Variants in PEX14 observed in about 807,000 individuals in gnomAD.
PEX14 encodes peroxisomal membrane protein PEX14.
In PEX14, 15 loss-of-function variants were observed where a neutral mutation model predicts 49.5. That is an observed-to-expected ratio of 0.30 (90% confidence interval 0.20 to 0.47). The LOEUF (loss-of-function observed/expected upper bound fraction) is 0.47, where lower values mean the gene tolerates loss of function less well. Ranked by LOEUF, PEX14 falls within the 20% of genes least tolerant of loss-of-function variation. The pLI, the probability that PEX14 is intolerant of heterozygous loss-of-function variation, is 1.00. For synonymous variants in PEX14, 210 were observed against 212.7 expected, an observed-to-expected ratio of 0.99 and a Z score of 0.11; for missense variants, 398 against 494.8, an observed-to-expected ratio of 0.80 and a Z score of 1.86.
At chr1:10,627,431 T>G in intron 8 of PEX14, 68 bp downstream of exon 8, 4 of 1,142,038 alleles carry the variant, frequency 3.5e-6, no homozygotes, top group Non-Finnish European at 5.3e-6. Flanking sequence ...CTCTGGGGCA[T>G]GGGAGGGGCA....
chr1:10,510,456 T>C (rs1028568813), intron 2 of PEX14, among the ~76,000 whole-genome samples: 1 of 152,228 alleles, frequency 6.6e-6, no homozygotes, highest in Non-Finnish European at 1.5e-5. Context: ...TTATCTGATT[T>C]GTGTTCCAGC....
chr1:10,581,351 G>T (rs1473250785), intron 3 of PEX14, among the ~76,000 whole-genome samples: 1 of 142,910 alleles, frequency 7.0e-6, no homozygotes, highest in Non-Finnish European at 1.5e-5. Flanking sequence ...CTGTCGCCCA[G>T]GCTGGAGTGC....
intron 3 of PEX14, among the ~76,000 whole-genome samples, chr1:10,593,716 G>A (rs1339776145): frequency 2.6e-5 from 4 of 152,054 alleles, no homozygotes; most frequent in South Asian, 2.1e-4. Flanking sequence ...GAAAGTGGGT[G>A]GGGGAGGCCC....
chr1:10,564,641 A>C (rs1570274320), intron 3 of PEX14, among the ~76,000 whole-genome samples: 1 of 140,756 alleles, frequency 7.1e-6, no homozygotes, highest in African/African-American at 2.7e-5. Flanking sequence ...CCATGTTGCC[A>C]AGGCTGGTCT....
At chr1:10,577,524 C>CTATATA (rs1557854620) in intron 3 of PEX14, among the ~76,000 whole-genome samples, 3 of 44,346 alleles carry the variant, frequency 6.8e-5, no homozygotes, top group African/African-American at 2.5e-4. Flanking sequence ...ATTTTGGACA[C>CTATATA]TATACATATA....
chr1:10,619,305 CT>C (rs1414046867), intron 5 of PEX14, among the ~76,000 whole-genome samples: 5 of 151,294 alleles, frequency 3.3e-5, no homozygotes, highest in Non-Finnish European at 5.9e-5. Flanking sequence ...TCCTCCACCC[CT>C]GATTGGTGAT....
At chr1:10,607,146 CTCT>C (rs1218995051) in intron 4 of PEX14, among the ~76,000 whole-genome samples, 3 of 151,878 alleles carry the variant, frequency 2.0e-5, no homozygotes, top group Non-Finnish European at 4.4e-5. Flanking sequence ...GTATTGTACT[CTCT>C]TGTTTCTATT....
chr1:10,599,279 G>T lies in PEX14; in HGVS notation c.211G>T (p.Gly71Cys). 6.2e-7 allele frequency: 1 copy of T among 1,613,592 alleles called. No homozygotes were observed. The highest frequency in any genetic ancestry group is 8.5e-7 in the Non-Finnish European group (1 of 1,179,512). ...EEIDMAFQQS[G>C]TAADEPSSLG... ...GATTGATATGGCCTTCCAGCAGTCG[G>T]GCACTGCTGCCGATGAGCCTTCGTC... The change falls in exon 4 of 9, where the codon GGC becomes TGC. Residue 71 changes from glycine (G) to cysteine (C), a missense_variant. By Grantham distance (159) the Gly-to-Cys change is radical. Transcript: ENST00000356607.
Position 10,620,662 on chromosome 1 carries a change from C to T in PEX14, c.384+2245C>T, listed in dbSNP as rs28629828. Among the ~76,000 whole-genome samples the T allele has an allele frequency of 3.6e-4, 55 of 152,206 alleles. No homozygotes were observed. In the East Asian group the frequency reaches 0.01, roughly 28 times the overall value. ...AATTAGCTGGGTGTCATGGCGTGCACCTGTAATCCCAGCTACTTGGGAGGC... is the reference window on the plus strand; with the variant it reads ...AATTAGCTGGGTGTCATGGCGTGCATCTGTAATCCCAGCTACTTGGGAGGC... On this transcript the variant is annotated intron_variant, in intron 5 of 8. Coordinates refer to ENST00000356607, the MANE Select transcript of PEX14 (RefSeq NM_004565.3).
At chr1:10,530,488 G>T (rs1051179368) in intron 2 of PEX14, among the ~76,000 whole-genome samples, 21 of 152,238 alleles carry the variant, frequency 1.4e-4, no homozygotes, top group African/African-American at 4.8e-4. Context: ...CCGCCTGCGG[G>T]CTCGTCCACC....
chr1:10,612,557 G>A (rs1019281426), intron 4 of PEX14, among the ~76,000 whole-genome samples: 17 of 152,176 alleles, frequency 1.1e-4, no homozygotes. Context: ...AGGCTGCCAA[G>A]TCCTTCTGTT....
intron 4 of PEX14, among the ~76,000 whole-genome samples, chr1:10,615,738 G>T (rs1282659575): frequency 6.6e-6 from 1 of 152,224 alleles, no homozygotes; most frequent in Non-Finnish European, 1.5e-5. Context: ...TTGGAAATGA[G>T]CTGGGTGCCC....
chr1:10,481,106 G>A (rs1430054194), intron 1 of PEX14, among the ~76,000 whole-genome samples: 1 of 149,250 alleles, frequency 6.7e-6, no homozygotes, highest in Admixed American at 6.7e-5. Flanking sequence ...GCATTGATTT[G>A]TCTCTTTAGT....
chr1:10,592,920 T>C (rs284273), intron 3 of PEX14, among the ~76,000 whole-genome samples: 140,771 of 152,196 alleles, frequency 0.92, 65,273 homozygotes, highest in Middle Eastern at 0.99. Context: ...CTTTGAAACC[T>C]CCAAACTTGG....
chr1:10,573,649 T>C (rs1301926813), intron 3 of PEX14, among the ~76,000 whole-genome samples: 1 of 152,218 alleles, frequency 6.6e-6, no homozygotes, highest in African/African-American at 2.4e-5. Flanking sequence ...GCATTGATGA[T>C]GAGTGTAGCT....
intron 3 of PEX14, among the ~76,000 whole-genome samples, chr1:10,588,034 C>G (rs1299166155): frequency 6.7e-6 from 1 of 150,178 alleles, no homozygotes; most frequent in Non-Finnish European, 1.5e-5. Context: ...ACCAGCCTGG[C>G]CAAGATAGTG....
chr1:10,480,309 C>T (rs539528593), intron 1 of PEX14, among the ~76,000 whole-genome samples: 1 of 151,178 alleles, frequency 6.6e-6, no homozygotes, highest in East Asian at 1.9e-4. Context: ...CTCCCAGGTT[C>T]AAGCGGTTCT....
intron 3 of PEX14, among the ~76,000 whole-genome samples, chr1:10,580,919 G>A (rs1640296983): frequency 6.6e-6 from 1 of 152,038 alleles, no homozygotes; most frequent in Non-Finnish European, 1.5e-5. Flanking sequence ...TTTTACAGAT[G>A]AAGGACCTGA....
intron 4 of PEX14, among the ~76,000 whole-genome samples, chr1:10,601,519 T>A (rs546540253): frequency 2.6e-5 from 4 of 152,274 alleles, no homozygotes; most frequent in African/African-American, 9.6e-5. Context: ...ACGGATCTTA[T>A]TTAGAGATCT....
Sources: allele counts gnomAD v4.1 joint callset (sites outside exome capture counted in the v4.1 genomes callset), GRCh38; gene constraint gnomAD v4.1.1; transcripts MANE v1.5; gene names NCBI Gene and HGNC (gene_info 2026-07-23, HGNC 2026-07-21).